SAV1: variants seen among roughly 807,000 people sequenced by gnomAD.
The protein encoded by SAV1 is protein salvador homolog 1.
Under a neutral mutation model 47.3 loss-of-function variants are expected in SAV1, and 23 were observed. The observed-to-expected ratio is 0.49, with a 90% CI of 0.35 to 0.69. The LOEUF is 0.69. SAV1 is among the 30% of genes least tolerant of loss of function. The pLI, the probability that SAV1 is intolerant of heterozygous loss-of-function variation, is 0.01. For synonymous variants in SAV1, 155 were observed against 159.2 expected (o/e 0.97, Z 0.20); for missense variants, 448 against 457.4 (o/e 0.98, Z 0.19).
chr14:50,659,085 T>C (rs1266660292), intron 2 of SAV1, among the ~76,000 whole-genome samples: 3 of 151,652 alleles, frequency 2.0e-5, no homozygotes, highest in African/African-American at 7.3e-5. Context: ...TTTTTTTTTT[T>C]TTTTTTTTTG....
At chr14:50,652,690 A>G (rs1383176320) in intron 2 of SAV1, among the ~76,000 whole-genome samples, 5 of 152,222 alleles carry the variant, frequency 3.3e-5, no homozygotes, top group Admixed American at 1.3e-4. Flanking sequence ...TGGGTCAGGG[A>G]AAATACATGA....
intron 2 of SAV1, among the ~76,000 whole-genome samples, chr14:50,661,858 CT>C (rs2039863002): frequency 6.6e-6 from 1 of 152,024 alleles, no homozygotes; most frequent in Admixed American, 6.5e-5. Context: ...TTACTATAAC[CT>C]TGTATGTGGT....
At chr14:50,665,049 G>A (rs2039889176) in intron 2 of SAV1, 130 bp downstream of exon 2, 3 of 1,293,390 alleles carry the variant, frequency 2.3e-6, no homozygotes, top group African/African-American at 1.5e-5. Flanking sequence ...GCTTAAGCAG[G>A]ATGAGCAAAG....
At chr14:50,665,780 T>C (rs1020466446) in intron 1 of SAV1, among the ~76,000 whole-genome samples, 161 bp from the exon 2 acceptor site, 5 of 152,214 alleles carry the variant, frequency 3.3e-5, no homozygotes, top group African/African-American at 1.2e-4. Flanking sequence ...GCATTTTAAA[T>C]TGAGGAAGAT....
intron 2 of SAV1, among the ~76,000 whole-genome samples, chr14:50,661,379 T>C (rs1312589766): frequency 6.6e-6 from 1 of 152,234 alleles, no homozygotes; most frequent in African/African-American, 2.4e-5. Context: ...TTGCAAACAC[T>C]TTCTCCTATT....
At chr14:50,658,478 A>C (rs2039831503) in intron 2 of SAV1, among the ~76,000 whole-genome samples, 1 of 152,192 alleles carries the variant, frequency 6.6e-6, no homozygotes, top group Non-Finnish European at 1.5e-5. Flanking sequence ...AAAGTTCTAC[A>C]GCTAAACGTA....
intron 2 of SAV1, among the ~76,000 whole-genome samples, chr14:50,653,784 G>C (rs1212461141): frequency 3.3e-5 from 5 of 151,864 alleles, no homozygotes; most frequent in Non-Finnish European, 7.4e-5. Flanking sequence ...CAGCAGAATT[G>C]CTTGAACCTG....
intron 2 of SAV1, among the ~76,000 whole-genome samples, chr14:50,657,175 C>G (rs2039820148): frequency 6.6e-6 from 1 of 152,124 alleles, no homozygotes; most frequent in African/African-American, 2.4e-5. Context: ...GCTGGGATTA[C>G]AGGCACACAC....
chr14:50,668,001 G>A lies in SAV1; in HGVS notation c.-34C>T. 7 of 1,569,294 alleles carry A rather than the reference G, an allele frequency of 4.5e-6. No homozygotes were observed. The highest frequency in any genetic ancestry group is 6.1e-6 in the Non-Finnish European group (7 of 1,150,164). ...ACGAGGCCCGAGGCCGCGCTGAACTGCCTCCCTAGGGCTCCGCGCCGGGCG... is the reference window on the plus strand; with the variant it reads ...ACGAGGCCCGAGGCCGCGCTGAACTACCTCCCTAGGGCTCCGCGCCGGGCG... On this transcript the variant is annotated 5_prime_UTR_variant, in exon 1 of 5. Coordinates refer to ENST00000324679, the MANE Select transcript of SAV1 (RefSeq NM_021818.4).
In SAV1 at chr14:50,665,234, T is replaced by C; in HGVS notation, c.480A>G (p.Glu160=). The C allele has an allele frequency of 1.2e-6, 2 of 1,609,940 alleles. No individual in the cohort carries two copies. The highest frequency in any genetic ancestry group is 2.7e-5 in the African/African-American group (2 of 74,766). ...TTCTTTGGAAGAGATCATGGTTGTA[T>C]TCATAATATCTGTAGTCTTCATGTG... The part of the protein sequence containing the change: ...DRAHEDYRYY[E]YNHDLFQRMP... Residue 160 remains glutamate, a synonymous_variant, in exon 2 of 5, where the codon GAA becomes GAG. Coordinates refer to ENST00000324679, the MANE Select transcript of SAV1 (RefSeq NM_021818.4).
intron 4 of SAV1, among the ~76,000 whole-genome samples, chr14:50,637,100 T>G (rs913552463): frequency 1.3e-5 from 2 of 152,230 alleles, no homozygotes; most frequent in Non-Finnish European, 2.9e-5. Flanking sequence ...AACTTGAGTA[T>G]GTGTAACAGA....
At chr14:50,655,811 C>T (rs1275769150) in intron 2 of SAV1, among the ~76,000 whole-genome samples, 4 of 151,936 alleles carry the variant, frequency 2.6e-5, no homozygotes, top group South Asian at 2.1e-4. Flanking sequence ...ACTGGGGGGC[C>T]GAGGTGGGTG....
intron 2 of SAV1, among the ~76,000 whole-genome samples, chr14:50,662,062 A>C (rs2140264468): frequency 6.6e-6 from 1 of 152,334 alleles, no homozygotes; most frequent in East Asian, 1.9e-4. Flanking sequence ...CAACATGGTC[A>C]TTTTAATGAT....
At chr14:50,643,830 AG>A (rs1446041845) in intron 3 of SAV1, among the ~76,000 whole-genome samples, 69 of 152,368 alleles carry the variant, frequency 4.5e-4, no homozygotes, top group Admixed American at 4.5e-3. Flanking sequence ...GATAAAGCTT[AG>A]TTTTCCAGTT....
intron 2 of SAV1, among the ~76,000 whole-genome samples, chr14:50,651,780 C>A (rs1361288147): frequency 6.6e-6 from 1 of 152,058 alleles, no homozygotes; most frequent in Admixed American, 6.6e-5. Flanking sequence ...GCATGCACCA[C>A]CAAGCCTGGC....
At chr14:50,639,994 G>A (rs373244602) in intron 4 of SAV1, among the ~76,000 whole-genome samples, 9 of 152,038 alleles carry the variant, frequency 5.9e-5, no homozygotes, top group African/African-American at 2.2e-4. Context: ...CACTAGTAGG[G>A]GGGCAGTCAG....
chr14:50,655,766 G>A (rs1040138457), intron 2 of SAV1, among the ~76,000 whole-genome samples: 2 of 152,110 alleles, frequency 1.3e-5, no homozygotes, highest in East Asian at 3.9e-4. Flanking sequence ...ACAAGACAAG[G>A]GCCAGGTGTG....
chr14:50,639,899 C>G (rs140872069), intron 4 of SAV1, among the ~76,000 whole-genome samples: 1 of 152,184 alleles, frequency 6.6e-6, no homozygotes, highest in African/African-American at 2.4e-5. Flanking sequence ...TACAAACATA[C>G]AGCTGTAGGT....
chr14:50,644,594 T>A, intron 3 of SAV1, 150 bp downstream of exon 3: 1 of 663,772 alleles, frequency 1.5e-6, no homozygotes, highest in Non-Finnish European at 2.4e-6. Context: ...TATTACTAAA[T>A]GTATGTCCAG....
Sources: gnomAD v4.1 joint callset for allele counts (sites outside exome capture counted in the v4.1 genomes callset) on GRCh38, gnomAD v4.1.1 for gene constraint, MANE v1.5 for transcripts, NCBI Gene and HGNC (gene_info 2026-07-23, HGNC 2026-07-21) for gene names.